Variants in CENPW observed in about 807,000 individuals in gnomAD.
CENPW encodes cancer-up-regulated gene 2 protein.
Under a neutral mutation model 11.1 loss-of-function variants are expected in CENPW, and 3 were observed. The observed-to-expected ratio is 0.27, with a 90% CI of 0.12 to 0.70. The LOEUF (loss-of-function observed/expected upper bound fraction) is 0.70. CENPW is among the 30% of genes least tolerant of loss of function. The probability of loss-of-function intolerance (pLI) is 0.77; values close to 1 mark genes in which losing one functional copy is unlikely to be tolerated. For missense variants in CENPW, 100 were observed against 105.6 expected (o/e 0.95, Z 0.23); for synonymous variants, 38 against 42.0 (o/e 0.91, Z 0.37).
chr6:126,419,842 T>C, the CENPW span, among the ~76,000 whole-genome samples: 1 of 152,154 alleles, frequency 6.6e-6, no homozygotes, highest in Non-Finnish European at 1.5e-5. Context: ...CACTTTTCTC[T>C]TATAAGAATC....
the CENPW span, among the ~76,000 whole-genome samples, chr6:126,416,166 T>C: frequency 6.6e-6 from 1 of 152,174 alleles, no homozygotes; most frequent in Non-Finnish European, 1.5e-5. Flanking sequence ...AGGTGATGAC[T>C]CTTCTTATGT....
chr6:126,413,353 T>C, the CENPW span, among the ~76,000 whole-genome samples: 2 of 152,112 alleles, frequency 1.3e-5, 1 homozygote. Context: ...TATCAATTCA[T>C]ATATAAGGAA....
At chr6:126,393,503 A>C in the CENPW span, among the ~76,000 whole-genome samples, 6 of 151,532 alleles carry the variant, frequency 4.0e-5, no homozygotes, top group Non-Finnish European at 7.4e-5. Flanking sequence ...TATTTCAATA[A>C]ATTTTTCTAT....
chr6:126,372,736 G>A, the CENPW span, among the ~76,000 whole-genome samples: 970 of 152,246 alleles, frequency 6.4e-3, 10 homozygotes, highest in African/African-American at 0.021. Flanking sequence ...GATTCAGAAG[G>A]AGTTATAATG....
At chr6:126,405,189 T>C in the CENPW span, among the ~76,000 whole-genome samples, 3 of 152,130 alleles carry the variant, frequency 2.0e-5, no homozygotes, top group African/African-American at 4.8e-5. Context: ...TTGTGAAAGA[T>C]TGAAATCTAG....
the CENPW span, among the ~76,000 whole-genome samples, chr6:126,475,214 AATT>A: frequency 6.6e-6 from 1 of 152,080 alleles, no homozygotes; most frequent in Non-Finnish European, 1.5e-5. Flanking sequence ...TATTAGTTAC[AATT>A]ATTACCAGGG....
chr6:126,438,224 C>A, the CENPW span, among the ~76,000 whole-genome samples: 5 of 151,534 alleles, frequency 3.3e-5, no homozygotes, highest in African/African-American at 1.2e-4. Flanking sequence ...AAATTAAATA[C>A]CTTTCTTAAG....
At chr6:126,393,905 C>G in the CENPW span, among the ~76,000 whole-genome samples, 82 of 151,606 alleles carry the variant, frequency 5.4e-4, no homozygotes, top group Non-Finnish European at 1.1e-3. Context: ...TCTTTGTGTA[C>G]TTTTCATCTT....
In CENPW at chr6:126,346,383, C is replaced by T. The variant is rs1780411939; in HGVS notation, c.240+65C>T. 3 of 924,146 alleles carry T rather than the reference C, an allele frequency of 3.2e-6. No homozygotes were observed. The Admixed American group carries it at 6.2e-5, about 19-fold the overall frequency. 57.2% of individuals were successfully genotyped at this position (924,146 alleles called of 1,614,324 possible). A position where few individuals can be genotyped will look rare whatever the true frequency, so the allele number is the denominator to read the frequency against. ...TCAAAAATAACACTCGGTTCATCAC[C>T]TCTCCCTGATTTGTATACCTTACTC... On this transcript the variant is annotated intron_variant, in intron 2 of 2. Coordinates refer to ENST00000368328, the MANE Select transcript of CENPW (RefSeq NM_001012507.4).
the CENPW span, among the ~76,000 whole-genome samples, chr6:126,432,835 C>T: frequency 6.6e-6 from 1 of 152,218 alleles, no homozygotes; most frequent in Non-Finnish European, 1.5e-5. Flanking sequence ...TCTCTCCAAA[C>T]ATAGTCATTG....
chr6:126,366,168 A>G, the CENPW span, among the ~76,000 whole-genome samples: 1 of 152,220 alleles, frequency 6.6e-6, no homozygotes, highest in Non-Finnish European at 1.5e-5. Context: ...TATGTATAGT[A>G]TAGTTACATG....
At chr6:126,460,728 C>T in the CENPW span, among the ~76,000 whole-genome samples, 2 of 151,736 alleles carry the variant, frequency 1.3e-5, no homozygotes, top group Non-Finnish European at 2.9e-5. Context: ...GTTTCTAATG[C>T]AGCATGGGCA....
At chr6:126,385,464 A>G in the CENPW span, among the ~76,000 whole-genome samples, 2 of 152,116 alleles carry the variant, frequency 1.3e-5, no homozygotes, top group African/African-American at 4.8e-5. Context: ...AGATACTATT[A>G]CTTTGGTTGA....
intron 2 of CENPW, among the ~76,000 whole-genome samples, chr6:126,347,114 TGTC>T (rs1268998163): frequency 1.3e-5 from 2 of 152,174 alleles, no homozygotes; most frequent in Non-Finnish European, 2.9e-5. Flanking sequence ...ATGCTTCTGT[TGTC>T]AAATAAGTGT....
chr6:126,454,698 T>C, the CENPW span, among the ~76,000 whole-genome samples: 2 of 150,626 alleles, frequency 1.3e-5, no homozygotes, highest in South Asian at 4.2e-4. Context: ...CCAAACCTAG[T>C]AGAAGAAAAG....
chr6:126,390,870 C>T, the CENPW span, among the ~76,000 whole-genome samples: 1 of 151,914 alleles, frequency 6.6e-6, no homozygotes, highest in Non-Finnish European at 1.5e-5. Flanking sequence ...ATCCATTCAT[C>T]TTTTGATGGA....
chr6:126,450,517 ATT>A, the CENPW span, among the ~76,000 whole-genome samples: 1 of 150,850 alleles, frequency 6.6e-6, no homozygotes, highest in Non-Finnish European at 1.5e-5. Flanking sequence ...TCATAGTTCC[ATT>A]TTTTCTTCTA....
chr6:126,429,535 C>A, the CENPW span, among the ~76,000 whole-genome samples: 1 of 152,108 alleles, frequency 6.6e-6, no homozygotes, highest in African/African-American at 2.4e-5. Context: ...GCCGCTTCAC[C>A]CCCTGCCATG....
At chr6:126,453,998 G>C in the CENPW span, among the ~76,000 whole-genome samples, 1 of 151,288 alleles carries the variant, frequency 6.6e-6, no homozygotes, top group Non-Finnish European at 1.5e-5. Flanking sequence ...AATGGTAAAG[G>C]GTTCAATTCA....
Sources: allele counts gnomAD v4.1 joint callset (sites outside exome capture counted in the v4.1 genomes callset), GRCh38; gene constraint gnomAD v4.1.1; transcripts MANE v1.5; gene names NCBI Gene and HGNC (gene_info 2026-07-23, HGNC 2026-07-21).